Variants in C11orf65 observed in about 807,000 individuals in gnomAD.
C11orf65 encodes the protein protein MFI.
Under a neutral mutation model 35.3 loss-of-function variants are expected in C11orf65, and 38 were observed. The observed-to-expected ratio is 1.08, with a 90% confidence interval of 0.83 to 1.41. The LOEUF is 1.41. C11orf65 is among the 40% of genes most tolerant of loss of function. The probability of loss-of-function intolerance (pLI) is 0.00; values close to 1 mark genes in which losing one functional copy is unlikely to be tolerated. For synonymous variants in C11orf65, 105 were observed against 114.4 expected (o/e 0.92, Z 0.53); for missense variants, 370 against 367.1 (o/e 1.01, Z -0.06).
chr11:108,362,688 C>G (rs949181822), intron 2 of C11orf65, among the ~76,000 whole-genome samples: 7 of 146,502 alleles, frequency 4.8e-5, no homozygotes, highest in African/African-American at 1.8e-4. Flanking sequence ...TCTCAGTAAA[C>G]TATCGCAAGA....
chr11:108,325,104 C>G (rs1388421712), intron 6 of C11orf65, among the ~76,000 whole-genome samples: 5 of 152,100 alleles, frequency 3.3e-5, no homozygotes, highest in Non-Finnish European at 7.4e-5. Context: ...CTGCTAATAA[C>G]TCTTAAGAGC....
At chr11:108,324,244 T>C (rs1276239798) in intron 6 of C11orf65, among the ~76,000 whole-genome samples, 1 of 152,130 alleles carries the variant, frequency 6.6e-6, no homozygotes, top group Non-Finnish European at 1.5e-5. Flanking sequence ...TTACGTGTAA[T>C]AGGAAAATGC....
intron 6 of C11orf65, among the ~76,000 whole-genome samples, chr11:108,394,550 A>G (rs1409293828): frequency 1.3e-5 from 2 of 152,204 alleles, no homozygotes; most frequent in African/African-American, 4.8e-5. Context: ...TAATACATTC[A>G]CTGATAATGA....
intron 2 of C11orf65, among the ~76,000 whole-genome samples, chr11:108,449,250 C>T (rs949581005): frequency 2.0e-4 from 31 of 152,100 alleles, no homozygotes; most frequent in African/African-American, 7.5e-4. Context: ...CATCAAGCTA[C>T]CAATGACTTT....
At chr11:108,399,454 T>C (rs560690972) in intron 6 of C11orf65, among the ~76,000 whole-genome samples, 8 of 152,132 alleles carry the variant, frequency 5.3e-5, no homozygotes, top group Non-Finnish European at 1.2e-4. Context: ...TGGAAGGATA[T>C]CTTTTGATCA....
At chr11:108,311,124 A>G (rs1321131303) in intron 6 of C11orf65, among the ~76,000 whole-genome samples, 10 of 150,496 alleles carry the variant, frequency 6.6e-5, no homozygotes, top group Non-Finnish European at 1.2e-4. Flanking sequence ...ACACCACTGC[A>G]TCCAACTCAT....
At position 108,374,955 on chromosome 11, in the gene C11orf65, C is replaced by T. The variant is rs185103582; in HGVS notation, c.226+18253G>A. Among the ~76,000 whole-genome samples, 129 of 152,130 alleles carry T rather than the reference C, an allele frequency of 8.5e-4. 1 individual carries two copies. The highest frequency in any genetic ancestry group is 3.4e-3 in the Middle Eastern group (1 of 292). On this transcript the variant is annotated intron_variant, in intron 2 of 3. Coordinates refer to the C11orf65 transcript ENST00000524755. ...TTAGAGAAAAAAGAATAAAAAGAAA[C>T]GAACAAAGCCTCCAAGAAATATGGG...
chr11:108,318,561 A>G (rs1318302198), intron 6 of C11orf65, among the ~76,000 whole-genome samples: 1 of 150,952 alleles, frequency 6.6e-6, no homozygotes. Context: ...GTGCTGGAGC[A>G]TGCCTGTAAT....
chr11:108,357,282 T>C (rs1354622892), intron 2 of C11orf65, among the ~76,000 whole-genome samples: 1 of 152,104 alleles, frequency 6.6e-6, no homozygotes, highest in East Asian at 1.9e-4. Context: ...CGCAGCTGGC[T>C]TGGAGGGTCC....
At chr11:108,407,997 T>TTTATTATTATTA (rs140542318) in intron 3 of C11orf65, among the ~76,000 whole-genome samples, 38 of 139,556 alleles carry the variant, frequency 2.7e-4, no homozygotes, top group South Asian at 2.2e-3. Context: ...TTAATTTCTT[T>TTTATTATTATTA]TTATTATTAT....
chr11:108,434,965 G>C (rs1443373788), intron 2 of C11orf65, among the ~76,000 whole-genome samples: 1 of 152,128 alleles, frequency 6.6e-6, no homozygotes, highest in East Asian at 1.9e-4. Context: ...TAGTGGAATG[G>C]CATGTTAAAG....
chr11:108,469,081 C>T (rs1384472203), upstream of C11orf65, among the ~76,000 whole-genome samples: 5 of 151,398 alleles, frequency 3.3e-5, no homozygotes, highest in East Asian at 1.9e-4. Flanking sequence ...CCTGGTGGCG[C>T]GCTGCCTGTA....
chr11:108,463,810 T>C (rs2093500266), intron 1 of C11orf65, among the ~76,000 whole-genome samples: 1 of 152,216 alleles, frequency 6.6e-6, no homozygotes, highest in Admixed American at 6.5e-5. Flanking sequence ...ATGTGCATTA[T>C]TCCAGTTAGG....
chr11:108,355,019 C>T, intron 2 of C11orf65: 1 of 710,102 alleles, frequency 1.4e-6, no homozygotes, highest in Non-Finnish European at 2.4e-6. Context: ...AGATTGTGCA[C>T]TTAGCCTTTT....
intron 2 of C11orf65, among the ~76,000 whole-genome samples, chr11:108,370,872 G>A (rs549698136): frequency 7.2e-4 from 109 of 152,104 alleles, no homozygotes; most frequent in African/African-American, 2.4e-3. Flanking sequence ...GCTTGCAAAC[G>A]TTTTGGTTAG....
chr11:108,354,359 C>G (rs935724358), intron 2 of C11orf65, among the ~76,000 whole-genome samples: 8 of 152,150 alleles, frequency 5.3e-5, no homozygotes, highest in African/African-American at 1.9e-4. Flanking sequence ...GTGCTCATCA[C>G]TGTGCATATA....
At chr11:108,341,851 T>C (rs764795795) in intron 2 of C11orf65, among the ~76,000 whole-genome samples, 5 of 152,212 alleles carry the variant, frequency 3.3e-5, no homozygotes, top group Non-Finnish European at 5.9e-5. Context: ...GCGAAAGTTA[T>C]GGAATAACTC....
intron 6 of C11orf65, among the ~76,000 whole-genome samples, chr11:108,403,928 G>A (rs2092489850): frequency 6.6e-6 from 1 of 152,144 alleles, no homozygotes; most frequent in Non-Finnish European, 1.5e-5. Flanking sequence ...GAGTCATCTT[G>A]CTCACCTGAT....
intron 3 of C11orf65, among the ~76,000 whole-genome samples, chr11:108,422,776 A>C (rs1464010042): frequency 6.6e-6 from 1 of 151,542 alleles, no homozygotes; most frequent in Non-Finnish European, 1.5e-5. Flanking sequence ...CAGCTACTCG[A>C]GAGGCTGAGG....
Sources: gnomAD v4.1 joint callset for allele counts (sites outside exome capture counted in the v4.1 genomes callset) on GRCh38, gnomAD v4.1.1 for gene constraint, MANE v1.5 for transcripts, NCBI Gene and HGNC (gene_info 2026-07-23, HGNC 2026-07-21) for gene names.